SYNE1: variants seen among roughly 807,000 people sequenced by gnomAD.
SYNE1 encodes spectrin repeat containing nuclear envelope protein 1, also known as nesprin-1.
A neutral mutation model predicts 1,111.0 loss-of-function variants in SYNE1; 616 were observed. The observed-to-expected ratio is 0.55, with a 90% CI of 0.52 to 0.59. The LOEUF (loss-of-function observed/expected upper bound fraction) is 0.59. SYNE1 is among the 20% of genes least tolerant of loss of function. The pLI, the probability that SYNE1 is intolerant of heterozygous loss-of-function variation, is 0.00. For missense variants in SYNE1, 10,006 were observed against 10,417.0 expected (o/e 0.96, Z 1.72); for synonymous variants, 3,855 against 3,825.8 (o/e 1.01, Z -0.28).
Position 152,505,401 on chromosome 6 carries a change from T to G in SYNE1, c.582-4A>C. Reference sequence around the variant, plus strand: ...TTTTACTTCTATTCCAGTCTGCCTTTGTGTTATAAAAACATAAAATGATGT... The same window carrying G: ...TTTTACTTCTATTCCAGTCTGCCTTGGTGTTATAAAAACATAAAATGATGT... On this transcript the variant is annotated splice_polypyrimidine_tract_variant and splice_region_variant and intron_variant, in intron 8 of 145. Transcript: ENST00000367255. 1 of 1,613,738 alleles carries G rather than the reference T, an allele frequency of 6.2e-7. No individual in the cohort carries two copies. The highest frequency in any genetic ancestry group is 8.5e-7 in the Non-Finnish European group (1 of 1,179,976).
rs1286757755 is a variant in SYNE1 at position 152,462,724 on chromosome 6, C to A, written c.2250+14G>T. 5 of 1,613,910 alleles carry A rather than the reference C, an allele frequency of 3.1e-6. 1 individual carries two copies. The Admixed American group carries it at 6.7e-5, about 22-fold the overall frequency. ...ACAGAGTAGGCTTTTCATTTTGATT[C>A]AGAAACCCCTCACCTCCAAGTCTTG... On this transcript the variant is annotated intron_variant, in intron 20 of 145. Transcript: ENST00000367255.
At position 152,413,401 on chromosome 6, in the gene SYNE1, T is replaced by A. The variant is rs1487241662; in HGVS notation, c.6181A>T (p.Asn2061Tyr). 6 of 1,614,050 alleles carry A rather than the reference T, an allele frequency of 3.7e-6. No homozygotes were observed. The highest frequency in any genetic ancestry group is 5.1e-6 in the Non-Finnish European group (6 of 1,180,034). The change falls in exon 42 of 146, where the codon AAC (asparagine) becomes TAC (tyrosine). Residue 2061 changes from asparagine to tyrosine, a missense_variant. Coordinates refer to ENST00000367255, the MANE Select transcript of SYNE1 (RefSeq NM_182961.4). The part of the protein sequence containing the change: ...AFAPEVDREI[N>Y]RLEVTWDDTK... Reference sequence around the variant, plus strand: ...TCATCCCAGGTGACCTCTAAGCGGTTTATCTCCCTGTCAACTTCAGGTGCA... The same window carrying A: ...TCATCCCAGGTGACCTCTAAGCGGTATATCTCCCTGTCAACTTCAGGTGCA...
At position 152,253,834 on chromosome 6, in the gene SYNE1, T is replaced by G. The variant is rs1562527800; in HGVS notation, c.19470+1046A>C. ...AGTGGTTTGGTTTTTTTTTTTTTTT[T>G]TTTTTTTTTTTTTTTTTTTTTTTTT... On this transcript the variant is annotated intron_variant, in intron 104 of 145. Transcript: ENST00000367255. Among the ~76,000 whole-genome samples, 128 of 66,836 alleles carry G rather than the reference T, an allele frequency of 1.9e-3. 2 individuals are homozygous for G. Among genetic ancestry groups the G allele is most frequent in the African/African-American group, 0.012 (118 of 9,672 alleles). The allele number at this position is 66,836 out of a possible 152,430, so 43.8% of individuals were successfully genotyped here.
intron 62 of SYNE1, among the ~76,000 whole-genome samples, 182 bp from the exon 63 acceptor site, chr6:152,365,201 C>G (rs41292874): frequency 3.3e-5 from 5 of 152,230 alleles, no homozygotes; most frequent in African/African-American, 1.2e-4. Context: ...ACCAGCTACC[C>G]GCTGGTTTTT....
chr6:152,539,981 C>G lies in SYNE1; in HGVS notation c.108G>C (p.Trp36Cys), dbSNP rs778433898. The change falls in exon 4 of 146, where the codon TGG becomes TGC. Residue 36 changes from tryptophan (W) to cysteine (C), a missense_variant. Physicochemically the swap from Trp to Cys is radical, Grantham distance 215 (BLOSUM62 -2). This residue lies in a region of SYNE1 where 1,971 missense variants were observed against 2,084.1 expected (regional missense o/e 0.95). Transcript: ENST00000367255. ...TTACCTTGGCCAGATGAGAGTTGAT[C>G]CATTTTGTGAAAGTTCGTTTTTGTA... is the stretch of plus-strand genomic sequence containing the variant. The part of the protein sequence containing the change: ...EIVQKRTFTK[W>C]INSHLAKRKP... 1 of 1,613,852 alleles carries G rather than the reference C, an allele frequency of 6.2e-7. No homozygotes were observed.
At chr6:152,520,390 G>A in intron 6 of SYNE1, 69 bp downstream of exon 6, 2 of 1,456,648 alleles carry the variant, frequency 1.4e-6, no homozygotes, top group Non-Finnish European at 9.6e-7. Flanking sequence ...ACAGATAGGA[G>A]CCAATACTGA....
rs1466011686 is a variant in SYNE1, at chr6:152,441,256, T to C, written c.4023A>G (p.Lys1341=). ...QERRIQVTLR[K]WERFETNKET... The stretch of plus-strand genomic sequence containing the variant: ...CTTTGTTTGTTTCAAATCGCTCCCA[T>C]TTTCTTAATGTGACCTAAATTTGAA... Residue 1341 remains lysine, a synonymous_variant, in exon 32 of 146, where the codon AAA becomes AAG. Coordinates refer to ENST00000367255, the MANE Select transcript of SYNE1 (RefSeq NM_182961.4). 1 of 1,608,486 alleles carries C rather than the reference T, an allele frequency of 6.2e-7. No homozygotes were observed. Among genetic ancestry groups the C allele is most frequent in the African/African-American group, 1.3e-5 (1 of 74,886 alleles).
chr6:152,376,396 A>G lies in SYNE1; in HGVS notation c.9309T>C (p.Ser3103=), dbSNP rs1000024104. Residue 3103 remains serine (S), a synonymous_variant, in exon 58 of 146, where the codon AGT becomes AGC. Coordinates refer to ENST00000367255, the MANE Select transcript of SYNE1 (RefSeq NM_182961.4). ...ACACCCTTACCTGTATTTTCTGAAGACTAGTTGAAACTTCACTTATATTTT... is the reference window on the plus strand; with the variant it reads ...ACACCCTTACCTGTATTTTCTGAAGGCTAGTTGAAACTTCACTTATATTTT... ...IPQNISEVST[S]LQKIQEFLSE... is the part of the protein sequence containing the mutation. The G allele has an allele frequency of 6.2e-6, 10 of 1,614,060 alleles. No individual in the cohort carries two copies. The highest frequency in any genetic ancestry group is 8.5e-6 in the Non-Finnish European group (10 of 1,180,038).
At chr6:152,280,485 T>C (rs938933022) in intron 97 of SYNE1, among the ~76,000 whole-genome samples, 6 of 152,136 alleles carry the variant, frequency 3.9e-5, no homozygotes, top group African/African-American at 1.4e-4. Context: ...ATTTTATGTG[T>C]GGACCAAGAC....
intron 104 of SYNE1, among the ~76,000 whole-genome samples, chr6:152,251,916 G>A (rs1398023404): frequency 2.0e-5 from 3 of 151,868 alleles, no homozygotes; most frequent in African/African-American, 7.3e-5. Context: ...TTATTGGCAG[G>A]GCAAAAAGGA....
chr6:152,627,929 A>ATG (rs1315995232), intron 3 of SYNE1, among the ~76,000 whole-genome samples: 2 of 152,034 alleles, frequency 1.3e-5, no homozygotes, highest in East Asian at 3.9e-4. Flanking sequence ...ACAACTGAGG[A>ATG]TGTATTGTCA....
chr6:152,381,750 G>C (rs1442999307), intron 55 of SYNE1, among the ~76,000 whole-genome samples: 3 of 152,276 alleles, frequency 2.0e-5, no homozygotes, highest in African/African-American at 7.2e-5. Flanking sequence ...TGGCAGAACT[G>C]TGTTCTGCTC....
intron 63 of SYNE1, among the ~76,000 whole-genome samples, chr6:152,362,938 T>C (rs1403226019): frequency 5.3e-5 from 8 of 151,582 alleles, no homozygotes; most frequent in Admixed American, 3.3e-4. Flanking sequence ...TGGAGTGCAG[T>C]GGCGCGATCT....
At chr6:152,186,387 T>A (rs1479426357) in intron 128 of SYNE1, among the ~76,000 whole-genome samples, 11 of 150,976 alleles carry the variant, frequency 7.3e-5, no homozygotes, top group African/African-American at 2.7e-4. Context: ...AGAAACCCTG[T>A]CTCTACTAAA....
intron 87 of SYNE1, among the ~76,000 whole-genome samples, chr6:152,311,767 A>T (rs531977364): frequency 6.7e-6 from 1 of 150,274 alleles, no homozygotes; most frequent in Non-Finnish European, 1.5e-5. Flanking sequence ...ATTCTTAGGC[A>T]ATAGACTATT....
intron 41 of SYNE1, among the ~76,000 whole-genome samples, chr6:152,414,515 T>C (rs2098122634): frequency 1.3e-5 from 2 of 152,222 alleles, no homozygotes; most frequent in Admixed American, 6.5e-5. Context: ...CTTTATCCCA[T>C]TTAATTCCTA....
At chr6:152,290,661 AT>A (rs1169744321) in intron 95 of SYNE1, among the ~76,000 whole-genome samples, 1 of 152,252 alleles carries the variant, frequency 6.6e-6, no homozygotes, top group Non-Finnish European at 1.5e-5. Flanking sequence ...AAATGTAGGA[AT>A]TAGGTTACCT....
chr6:152,234,112 C>G (rs1355947394), intron 111 of SYNE1, 149 bp from the exon 112 acceptor site: 1 of 878,014 alleles, frequency 1.1e-6, no homozygotes. Context: ...GCAGTACACC[C>G]TTGCCCTCGA....
chr6:152,553,287 T>C (rs1015521574), intron 3 of SYNE1, among the ~76,000 whole-genome samples: 2 of 152,158 alleles, frequency 1.3e-5, no homozygotes, highest in Non-Finnish European at 2.9e-5. Context: ...AAATTGCCCA[T>C]TGGGGTTTCC....
Sources: allele counts gnomAD v4.1 joint callset (sites outside exome capture counted in the v4.1 genomes callset), GRCh38; gene constraint gnomAD v4.1.1; regional missense constraint gnomAD v4.1.1; transcripts MANE v1.5; gene names NCBI Gene and HGNC (gene_info 2026-07-23, HGNC 2026-07-21).